Variants in TNS1 observed in about 807,000 individuals in gnomAD.
TNS1 encodes the protein tensin-1.
TNS1 carries 62 observed loss-of-function variants against 168.6 expected under a neutral mutation model. The ratio of observed to expected loss-of-function variants is 0.37; its 90% CI spans 0.30 to 0.45. TNS1 has a LOEUF of 0.45. TNS1 is among the 20% of genes least tolerant of loss of function. The pLI is 1.00. For synonymous variants in TNS1, 934 were observed against 933.2 expected (o/e 1.00, Z -0.02); for missense variants, 2,240 against 2,339.4 (o/e 0.96, Z 0.88).
chr2:218,014,730 C>T (rs930361779), upstream of TNS1, among the ~76,000 whole-genome samples: 1 of 152,206 alleles, frequency 6.6e-6, no homozygotes, highest in Non-Finnish European at 1.5e-5. Context: ...TGTCTCACCC[C>T]TTTTCCTACC....
At chr2:217,844,035 C>T (rs1946329230) in intron 19 of TNS1, among the ~76,000 whole-genome samples, 1 of 152,140 alleles carries the variant, frequency 6.6e-6, no homozygotes, top group South Asian at 2.1e-4. Context: ...CACCCAACGT[C>T]CTCCTCCTGC....
At chr2:217,961,406 A>G (rs1376351329) in intron 3 of TNS1, among the ~76,000 whole-genome samples, 2 of 152,158 alleles carry the variant, frequency 1.3e-5, no homozygotes, top group Non-Finnish European at 2.9e-5. Flanking sequence ...GCCTCTCCTT[A>G]AAGGGAAGAA....
Position 217,800,058 on chromosome 2 carries a change from G to A in TNS1, c.*4401C>T, listed in dbSNP as rs1370947145. On this transcript the variant is annotated 3_prime_UTR_variant, in exon 33 of 33. Transcript: ENST00000682258. ...CCGCAGAGGGCCTGGGAGGCAGGGAGGGTGGTGGGAAGGGATTTCTTACAT... is the reference window on the plus strand; with the variant it reads ...CCGCAGAGGGCCTGGGAGGCAGGGAAGGTGGTGGGAAGGGATTTCTTACAT... The A allele has an allele frequency of 3.3e-5, 5 of 152,248 alleles. No homozygotes were observed. The highest frequency in any genetic ancestry group is 1.2e-4 in the African/African-American group (5 of 41,452). The allele number at this position is 152,248 out of a possible 1,614,324, so 9.4% of individuals were successfully genotyped here.
At chr2:217,828,934 G>A (rs1298939772) in intron 22 of TNS1, among the ~76,000 whole-genome samples, 2 of 152,186 alleles carry the variant, frequency 1.3e-5, no homozygotes, top group African/African-American at 2.4e-5. Context: ...GGGGCTCTGC[G>A]CCAGGAGAAT....
At chr2:217,821,037 C>G (rs1442293910) in intron 23 of TNS1, among the ~76,000 whole-genome samples, 1 of 152,194 alleles carries the variant, frequency 6.6e-6, no homozygotes, top group Non-Finnish European at 1.5e-5. Context: ...CCTGCTACTT[C>G]CTCTACACCC....
chr2:218,033,788 C>T lies in TNS1; in HGVS notation c.156+32G>A, dbSNP rs73990678. Reference sequence around the variant, plus strand: ...CCAACCGCCAGCTCCCGACTCGGGGCGTCGTCCCTCACCCATTCCCGCAGC... The same window carrying T: ...CCAACCGCCAGCTCCCGACTCGGGGTGTCGTCCCTCACCCATTCCCGCAGC... On this transcript the variant is annotated intron_variant, in intron 1 of 1. Coordinates refer to the TNS1 transcript ENST00000649572. The surrounding 1 kb of genome is among the most constrained non-coding windows in gnomAD (Gnocchi z 4.3). Among the ~76,000 whole-genome samples, 10,912 of 152,232 alleles carry T rather than the reference C, an allele frequency of 0.072. 1,271 individuals carry two copies. The highest frequency in any genetic ancestry group is 0.25 in the African/African-American group (10,172 of 41,496).
At position 217,880,691 on chromosome 2, in the gene TNS1, T is replaced by C. The variant is rs1031772488; in HGVS notation, c.1429+207A>G. On this transcript the variant is annotated intron_variant, in intron 18 of 32. Coordinates refer to ENST00000682258, the MANE Select transcript of TNS1 (RefSeq NM_001387777.1). This position sits in a 1 kb window ranked among gnomAD's most constrained non-coding sequence, Gnocchi z 4.2. ...CCTTGTGGCCATTTTGCTGCCTTCTTTGGCTCTGTCCTCACTTTTATTTAA... is the reference window on the plus strand; with the variant it reads ...CCTTGTGGCCATTTTGCTGCCTTCTCTGGCTCTGTCCTCACTTTTATTTAA... Among the ~76,000 whole-genome samples, 1 of 152,156 alleles carries C rather than the reference T, an allele frequency of 6.6e-6. No homozygotes were observed. Among genetic ancestry groups the C allele is most frequent in the African/African-American group, 2.4e-5 (1 of 41,432 alleles).
chr2:217,881,304 TG>T (rs781349113), intron 17 of TNS1: 74 of 335,798 alleles, frequency 2.2e-4, no homozygotes, highest in African/African-American at 1.3e-3. Flanking sequence ...GACCCCTGGC[TG>T]GGTACCTGCC....
intron 3 of TNS1, among the ~76,000 whole-genome samples, chr2:217,960,985 C>T (rs1957481819): frequency 6.6e-6 from 1 of 152,028 alleles, no homozygotes; most frequent in Admixed American, 6.6e-5. Context: ...ATGCCAAGGC[C>T]CCATCAGTGA....
chr2:218,030,232 T>C (rs1178426925), intron 1 of TNS1, among the ~76,000 whole-genome samples: 1 of 152,184 alleles, frequency 6.6e-6, no homozygotes. Context: ...AGGTCCCGGC[T>C]CTTCTCCATG....
At chr2:217,937,757 AG>A in intron 3 of TNS1, among the ~76,000 whole-genome samples, 1 of 152,166 alleles carries the variant, frequency 6.6e-6, no homozygotes, top group South Asian at 2.1e-4. Context: ...CAGCGAGAGA[AG>A]GGACTCAGGT....
intron 1 of TNS1, among the ~76,000 whole-genome samples, chr2:218,029,738 C>A (rs898411665): frequency 6.6e-6 from 1 of 152,170 alleles, no homozygotes; most frequent in Non-Finnish European, 1.5e-5. Context: ...GTCGGGATTG[C>A]GCACTGCCCT....
chr2:217,999,878 G>A (rs553658092), intron 1 of TNS1, among the ~76,000 whole-genome samples: 1 of 152,366 alleles, frequency 6.6e-6, no homozygotes, highest in South Asian at 2.1e-4. Context: ...CAGAAAAGTC[G>A]AGTGACCAGC....
Position 217,818,247 on chromosome 2 carries a change from C to T in TNS1, c.4085G>A (p.Gly1362Asp), listed in dbSNP as rs765597278. The change falls in exon 24 of 33, where the codon GGC becomes GAC. Residue 1362 changes from glycine to aspartate, a missense_variant. Gly to Asp is a moderately conservative substitution (Grantham distance 94, BLOSUM62 -1). Coordinates refer to ENST00000682258, the MANE Select transcript of TNS1 (RefSeq NM_001387777.1). ...GGTGGTGGCCACTTTGTTGTGGAGG[C>T]CAGAAACCTGGTAGACCCCTGCTGG... ...RHPAGVYQVS[G>D]LHNKVATTPG... is the part of the protein sequence containing the mutation. 2 of 1,613,714 alleles carry T rather than the reference C, an allele frequency of 1.2e-6. No homozygotes were observed. Among genetic ancestry groups the T allele is most frequent in the Admixed American group, 3.3e-5 (2 of 60,012 alleles).
intron 18 of TNS1, among the ~76,000 whole-genome samples, chr2:217,863,676 T>G (rs6760625): frequency 0.013 from 1,974 of 152,132 alleles, 38 homozygotes; most frequent in African/African-American, 0.043. Flanking sequence ...GTTTCCAACG[T>G]GGTAAAATGA....
chr2:218,010,153 C>T, exon 1 of TNS1: 1 of 399,294 alleles, frequency 2.5e-6, no homozygotes, highest in East Asian at 3.6e-5. Flanking sequence ...AGGTACTTGC[C>T]CCATCGGATC....
chr2:217,965,780 G>A (rs1465150000), intron 3 of TNS1, among the ~76,000 whole-genome samples: 4 of 152,232 alleles, frequency 2.6e-5, no homozygotes, highest in Non-Finnish European at 4.4e-5. Context: ...CAGACCCCCC[G>A]AGCTAGAAGC....
chr2:218,010,212 G>C (rs1958693401), exon 1 of TNS1: 1 of 398,882 alleles, frequency 2.5e-6, no homozygotes, highest in South Asian at 1.3e-4. Context: ...CCCGAGAGTG[G>C]GCGCCTGGGG....
chr2:217,822,900 C>T lies in TNS1; in HGVS notation c.3374-962G>A, dbSNP rs146292246. 1.7e-4 allele frequency among the ~76,000 whole-genome samples: 26 copies of T among 152,316 alleles called. No individual in the cohort carries two copies. The East Asian group carries it at 2.3e-3, about 14-fold the overall frequency. ...CTCTTGTTTACCCCGGGCCATGATC[C>T]GGGAGGAATGTCATTCCTACCACCT... On this transcript the variant is annotated intron_variant, in intron 22 of 32. Transcript: ENST00000682258.
Sources: allele counts gnomAD v4.1 joint callset (sites outside exome capture counted in the v4.1 genomes callset), GRCh38; gene constraint gnomAD v4.1.1; non-coding constraint Gnocchi (gnomAD v3.1); transcripts MANE v1.5; gene names NCBI Gene and HGNC (gene_info 2026-07-23, HGNC 2026-07-21).